PCDHGA4: variants seen among roughly 807,000 people sequenced by gnomAD.
PCDHGA4 encodes the protein protocadherin gamma-A4.
A neutral mutation model predicts 54.6 loss-of-function variants in PCDHGA4; 38 were observed. The observed-to-expected ratio is 0.70, with a 90% CI of 0.54 to 0.91. The LOEUF (loss-of-function observed/expected upper bound fraction) is 0.91. PCDHGA4 is among the 40% of genes least tolerant of loss of function. The pLI is 0.00. For missense variants in PCDHGA4, 1,298 were observed against 1,220.9 expected, an observed-to-expected ratio of 1.06 and a Z score of -0.94; for synonymous variants, 511 against 512.9, an observed-to-expected ratio of 1.00 and a Z score of 0.05.
At chr5:141,470,383 G>A (rs569789033) in intron 1 of PCDHGA4, among the ~76,000 whole-genome samples, 7 of 152,246 alleles carry the variant, frequency 4.6e-5, no homozygotes, top group South Asian at 2.1e-4. Context: ...AAGACTACTC[G>A]ATGATATTTA....
At chr5:141,378,598 G>C (rs1374032317) in intron 1 of PCDHGA4, 4 of 152,136 alleles carry the variant, frequency 2.6e-5, no homozygotes, top group Admixed American at 6.5e-5. Context: ...TCTGCTTACA[G>C]GACATATCTC....
At chr5:141,413,592 A>G in intron 1 of PCDHGA4, 1 of 1,613,916 alleles carries the variant, frequency 6.2e-7, no homozygotes, top group Non-Finnish European at 8.5e-7. Context: ...AATTCCAAGC[A>G]GAAAATCTAG....
chr5:141,433,358 C>CCTATCTATCTATCTATCTAT (rs3074541), intron 1 of PCDHGA4: 39 of 504,044 alleles, frequency 7.7e-5, no homozygotes, highest in Admixed American at 1.8e-4. Context: ...CTACTGTCTG[C>CCTATCTATCTATCTATCTAT]CTATCTATCT....
chr5:141,396,584 C>T (rs2093399172), intron 1 of PCDHGA4: 1 of 151,318 alleles, frequency 6.6e-6, no homozygotes, highest in Non-Finnish European at 1.5e-5. Flanking sequence ...CCTGTCACTG[C>T]ACTCCAGCCT....
intron 1 of PCDHGA4, among the ~76,000 whole-genome samples, chr5:141,437,364 T>C (rs1026384836): frequency 6.6e-6 from 1 of 152,232 alleles, no homozygotes; most frequent in African/African-American, 2.4e-5. Flanking sequence ...AAAATTGGAA[T>C]GTAATCAGTC....
chr5:141,389,656 C>A (rs763730959), intron 1 of PCDHGA4: 18 of 1,612,420 alleles, frequency 1.1e-5, no homozygotes, highest in South Asian at 1.1e-5. Flanking sequence ...AAGGTAGTGG[C>A]GGTGGACGCA....
intron 1 of PCDHGA4, chr5:141,393,124 T>A: frequency 6.2e-7 from 1 of 1,613,430 alleles, no homozygotes; most frequent in Non-Finnish European, 8.5e-7. Flanking sequence ...CGGTGTCTGA[T>A]AAATATTAAC....
intron 1 of PCDHGA4, chr5:141,404,976 T>G (rs373850794): frequency 4.3e-6 from 7 of 1,614,002 alleles, no homozygotes; most frequent in Non-Finnish European, 5.9e-6. Context: ...CTGGCTGACC[T>G]GGGCAGTCTT....
intron 2 of PCDHGA4, among the ~76,000 whole-genome samples, chr5:141,500,289 A>G (rs1440166636): frequency 6.6e-6 from 1 of 151,486 alleles, no homozygotes; most frequent in African/African-American, 2.4e-5. Flanking sequence ...GCTCACTGCA[A>G]GCTCCGCCTC....
At chr5:141,464,422 TATAG>T (rs2099083887) in intron 1 of PCDHGA4, among the ~76,000 whole-genome samples, 1 of 151,672 alleles carries the variant, frequency 6.6e-6, no homozygotes, top group African/African-American at 2.4e-5. Context: ...TATCTATATA[TATAG>T]ATATATATGT....
chr5:141,376,309 C>A (rs775051431), intron 1 of PCDHGA4: 109 of 1,614,030 alleles, frequency 6.8e-5, no homozygotes, highest in Non-Finnish European at 8.9e-5. Context: ...ACTTTGTGGG[C>A]GTGGAAGGGG....
rs773474154 is a variant in PCDHGA4, at chr5:141,477,751, G to A, written c.2515-17056G>A. The A allele has an allele frequency of 5.0e-6, 8 of 1,613,712 alleles. No individual in the cohort carries two copies. The highest frequency in any genetic ancestry group is 6.8e-6 in the Non-Finnish European group (8 of 1,180,030). ...CTCATATCAGCGATGGGGGCACCCC[G>A]GTCCTAGCCACCAACATCAGCGTGA... On this transcript the variant is annotated intron_variant, in intron 1 of 3. Transcript: ENST00000571252. The surrounding 1 kb of genome is among the most constrained non-coding windows in gnomAD (Gnocchi z 4.9).
intron 1 of PCDHGA4, among the ~76,000 whole-genome samples, chr5:141,448,180 G>C (rs961721974): frequency 1.3e-5 from 2 of 151,998 alleles, no homozygotes; most frequent in African/African-American, 2.4e-5. Flanking sequence ...TTCATCCCTG[G>C]TTATGTACAC....
intron 1 of PCDHGA4, chr5:141,389,244 T>C: frequency 6.2e-7 from 1 of 1,614,036 alleles, no homozygotes; most frequent in Non-Finnish European, 8.5e-7. Context: ...CTCACAGTCT[T>C]CCTATATAGT....
chr5:141,426,882 C>T, intron 1 of PCDHGA4: 1 of 456,664 alleles, frequency 2.2e-6, no homozygotes, highest in South Asian at 1.5e-5. Flanking sequence ...GCCCCTGGGC[C>T]AGGAGCAACA....
At chr5:141,360,120 C>T in intron 1 of PCDHGA4, 1 of 1,578,378 alleles carries the variant, frequency 6.3e-7, no homozygotes, top group Non-Finnish European at 8.6e-7. Context: ...GGCAAAGGAG[C>T]AAAGGGAGCC....
At chr5:141,394,016 T>C in intron 1 of PCDHGA4, 1 of 1,613,452 alleles carries the variant, frequency 6.2e-7, no homozygotes, top group Non-Finnish European at 8.5e-7. Context: ...TAGGTAATTA[T>C]TATAGATTAG....
intron 1 of PCDHGA4, among the ~76,000 whole-genome samples, chr5:141,386,755 G>A (rs72790029): frequency 0.064 from 9,806 of 152,198 alleles, 370 homozygotes; most frequent in African/African-American, 0.1. Context: ...GCAGAACTAC[G>A]GTTATAAGGT....
intron 1 of PCDHGA4, chr5:141,361,840 C>T: frequency 6.2e-7 from 1 of 1,612,726 alleles, no homozygotes; most frequent in South Asian, 1.1e-5. Context: ...CGCGCTGGGG[C>T]CTGATGGCTC....
Sources: gnomAD v4.1 joint callset for allele counts (sites outside exome capture counted in the v4.1 genomes callset) on GRCh38, gnomAD v4.1.1 for gene constraint, Gnocchi (gnomAD v3.1) non-coding constraint, MANE v1.5 for transcripts, NCBI Gene and HGNC (gene_info 2026-07-23, HGNC 2026-07-21) for gene names.